ICE2: variants seen among roughly 807,000 people sequenced by gnomAD.
ICE2 encodes the protein interactor of little elongation complex ELL subunit 2, also known as little elongation complex subunit 2.
In ICE2, 87 loss-of-function variants were observed where a neutral mutation model predicts 105.4. The observed-to-expected ratio is 0.83, with a 90% CI of 0.69 to 0.99. The LOEUF is 0.99. Ranked by LOEUF, ICE2 falls within the 50% of genes least tolerant of loss-of-function variation. ICE2 has a pLI of 0.00. For missense variants in ICE2, 1,323 were observed against 1,146.7 expected (o/e 1.15, Z -2.22); for synonymous variants, 399 against 392.0 (o/e 1.02, Z -0.21).
intron 11 of ICE2, chr15:60,442,794 C>A (rs1205860945): frequency 3.6e-6 from 1 of 280,874 alleles, no homozygotes; most frequent in East Asian, 7.7e-5. Context: ...CCAAAATCAA[C>A]ATACCTCCCC....
intron 5 of ICE2, among the ~76,000 whole-genome samples, chr15:60,465,692 C>T (rs2064403150): frequency 2.6e-5 from 1 of 38,212 alleles, no homozygotes; most frequent in African/African-American, 7.6e-5. Flanking sequence ...ATAAACTCTA[C>T]TACAAATATG....
At chr15:60,469,041 G>C (rs181958970) in intron 3 of ICE2, among the ~76,000 whole-genome samples, 1 of 152,294 alleles carries the variant, frequency 6.6e-6, no homozygotes, top group East Asian at 1.9e-4. Context: ...TTTATGGAAT[G>C]TGTGAAGGTT....
chr15:60,470,298 C>A (rs1216768988), intron 3 of ICE2, among the ~76,000 whole-genome samples: 1 of 152,118 alleles, frequency 6.6e-6, no homozygotes, highest in Non-Finnish European at 1.5e-5. Flanking sequence ...ACACCAAATA[C>A]ATGACTGAAG....
intron 11 of ICE2, chr15:60,445,641 G>A (rs985407570): frequency 4.0e-5 from 39 of 983,320 alleles, no homozygotes; most frequent in Non-Finnish European, 4.8e-6. Context: ...ATAAGGTTAT[G>A]TCTTGAAATT....
At chr15:60,432,390 A>T (rs891121088) in intron 13 of ICE2, among the ~76,000 whole-genome samples, 2 of 151,670 alleles carry the variant, frequency 1.3e-5, no homozygotes, top group Middle Eastern at 3.4e-3. Context: ...GGGTTTCACC[A>T]TGTTGGCCAG....
chr15:60,462,984 T>C (rs576777451), intron 5 of ICE2, among the ~76,000 whole-genome samples: 93 of 152,340 alleles, frequency 6.1e-4, no homozygotes, highest in African/African-American at 2.1e-3. Context: ...TGCCAAACCA[T>C]TGCAATTTTG....
intron 10 of ICE2, among the ~76,000 whole-genome samples, chr15:60,448,613 A>G (rs1028987056): frequency 1.3e-5 from 2 of 152,240 alleles, no homozygotes; most frequent in African/African-American, 4.8e-5. Context: ...ATAGCTTAGC[A>G]GTCACTGTAC....
chr15:60,444,983 C>A (rs1224537108), intron 11 of ICE2, among the ~76,000 whole-genome samples: 1 of 152,162 alleles, frequency 6.6e-6, no homozygotes, highest in Non-Finnish European at 1.5e-5. Context: ...CCGTGCCTGG[C>A]CTAGCCTCTT....
At chr15:60,460,390 C>T (rs536710285) in intron 5 of ICE2, among the ~76,000 whole-genome samples, 181 of 152,224 alleles carry the variant, frequency 1.2e-3, no homozygotes, top group African/African-American at 4.1e-3. Flanking sequence ...CTCAGCTACT[C>T]GGTAGGCCGA....
rs539962937 is a variant in ICE2 at position 60,461,351 on chromosome 15, T to C, written c.529-4557A>G. On this transcript the variant is annotated intron_variant, in intron 5 of 15. Coordinates refer to ENST00000261520, the MANE Select transcript of ICE2 (RefSeq NM_024611.6). ...GACTATATAAAGAAACTTTACGGCTTAATAAAAATAAAAGCAAATTAAAAA... is the reference window on the plus strand; with the variant it reads ...GACTATATAAAGAAACTTTACGGCTCAATAAAAATAAAAGCAAATTAAAAA... Among the ~76,000 whole-genome samples, 7 of 152,266 alleles carry C rather than the reference T, an allele frequency of 4.6e-5. 1 individual carries two copies. In the South Asian group the frequency reaches 1.2e-3, roughly 27 times the overall value.
intron 13 of ICE2, among the ~76,000 whole-genome samples, chr15:60,434,530 C>T (rs971205756): frequency 1.9e-4 from 7 of 36,602 alleles, no homozygotes; most frequent in African/African-American, 3.7e-4. Context: ...TACACACACA[C>T]ACACACACAC....
chr15:60,435,978 C>T (rs1215250778), intron 13 of ICE2, among the ~76,000 whole-genome samples, 165 bp downstream of exon 13: 1 of 151,300 alleles, frequency 6.6e-6, no homozygotes, highest in African/African-American at 2.4e-5. Context: ...CTCAAACACA[C>T]AAAGAACAAA....
rs139474269 is a variant in ICE2 at position 60,423,736 on chromosome 15, G to A, written c.2847C>T (p.Arg949=). The A allele has an allele frequency of 6.2e-7, 1 of 1,600,216 alleles. No homozygotes were observed. The highest frequency in any genetic ancestry group is 1.4e-5 in the African/African-American group (1 of 73,798). ...QKIGGTRMPT[R]SHRNPVSMET... is the part of the protein sequence containing the mutation. ...CCATGGAAACTGGATTCCTGTGGCT[G>A]CGTGTAGGCATTCTCGTTCCACCAA... is the stretch of plus-strand genomic sequence containing the variant. Residue 949 remains arginine (R), a synonymous_variant, in exon 16 of 16, where the codon CGC becomes CGT. Coordinates refer to ENST00000261520, the MANE Select transcript of ICE2 (RefSeq NM_024611.6).
rs1212165358 is a variant in ICE2 at position 60,419,955 on chromosome 15, A to G, written c.*3679T>C. ...AGCTTAAGTGTGGGCTTAGCGACTT[A>G]CTAATCCTTCAGATGACTGCAGCCC... On this transcript the variant is annotated 3_prime_UTR_variant, in exon 16 of 16. Coordinates refer to ENST00000261520, the MANE Select transcript of ICE2 (RefSeq NM_024611.6). 1 of 152,204 alleles carries G rather than the reference A, an allele frequency of 6.6e-6. No homozygotes were observed. Among genetic ancestry groups the G allele is most frequent in the African/African-American group, 2.4e-5 (1 of 41,442 alleles). The allele number at this position is 152,204 out of a possible 1,614,324, so 9.4% of individuals were successfully genotyped here. A position where few individuals can be genotyped will look rare whatever the true frequency, so the allele number is the denominator to read the frequency against.
At chr15:60,476,219 G>C (rs1416076435) in intron 2 of ICE2, 52 bp from the exon 3 acceptor site, 3 of 1,140,114 alleles carry the variant, frequency 2.6e-6, no homozygotes, top group Admixed American at 4.1e-5. Flanking sequence ...TCTCATGCTA[G>C]ACTATGACAC....
Position 60,442,481 on chromosome 15 carries a change from G to C in ICE2, c.2360C>G (p.Thr787Ser), listed in dbSNP as rs1442384742. 1 of 1,599,684 alleles carries C rather than the reference G, an allele frequency of 6.3e-7. No individual in the cohort carries two copies. Residue 787 changes from threonine (T) to serine (S), a missense_variant, in exon 12 of 16, where the codon ACT (threonine) becomes AGT (serine). Coordinates refer to ENST00000261520, the MANE Select transcript of ICE2 (RefSeq NM_024611.6). ...CCATAAGCGACAAAGTTCACTTTCAGTCAGAGCTTCAACTCCATAACAAGC... is the reference window on the plus strand; with the variant it reads ...CCATAAGCGACAAAGTTCACTTTCACTCAGAGCTTCAACTCCATAACAAGC... Reference protein sequence around the residue: ...YQACYGVEALTESELCRLWTE... With the variant: ...YQACYGVEALSESELCRLWTE...
chr15:60,457,131 A>C (rs1304663295), intron 5 of ICE2, among the ~76,000 whole-genome samples: 1 of 152,182 alleles, frequency 6.6e-6, no homozygotes, highest in Admixed American at 6.5e-5. Flanking sequence ...ATTAGAAATT[A>C]AGTAGTATAC....
intron 3 of ICE2, among the ~76,000 whole-genome samples, chr15:60,474,724 T>C (rs1231723523): frequency 6.6e-6 from 1 of 152,208 alleles, no homozygotes; most frequent in Non-Finnish European, 1.5e-5. Context: ...TGTAAGTCTT[T>C]AAAGAAGTCT....
At chr15:60,432,996 G>C (rs1375174861) in intron 13 of ICE2, among the ~76,000 whole-genome samples, 1 of 152,076 alleles carries the variant, frequency 6.6e-6, no homozygotes, top group Non-Finnish European at 1.5e-5. Flanking sequence ...TGGTGAATGA[G>C]CTTCCAAAAA....
Sources: gnomAD v4.1 joint callset for allele counts (sites outside exome capture counted in the v4.1 genomes callset) on GRCh38, gnomAD v4.1.1 for gene constraint, MANE v1.5 for transcripts, NCBI Gene and HGNC (gene_info 2026-07-23, HGNC 2026-07-21) for gene names.